The following SYTL2 variants were observed in gnomAD, a reference collection of about 807,000 sequenced individuals.
The protein encoded by SYTL2 is synaptotagmin-like protein 2.
In SYTL2, 165 loss-of-function variants were observed where a neutral mutation model predicts 198.7. That is an observed-to-expected ratio of 0.83 (90% CI 0.73 to 0.94). The LOEUF is 0.94. SYTL2 is among the 40% of genes least tolerant of loss of function. The pLI, the probability that SYTL2 is intolerant of heterozygous loss-of-function variation, is 0.00. For synonymous variants in SYTL2, 966 were observed against 917.7 expected (o/e 1.05, Z -0.95); for missense variants, 2,835 against 2,582.8 (o/e 1.10, Z -2.12).
intron 10 of SYTL2, 73 bp downstream of exon 10, chr11:85,718,717 C>T (rs2153449354): frequency 3.6e-6 from 5 of 1,384,446 alleles, no homozygotes; most frequent in South Asian, 2.4e-5. Context: ...CCAACAGCTG[C>T]GTCCCGGAGA....
At chr11:85,832,490 A>G in the SYTL2 span, among the ~76,000 whole-genome samples, 1 of 152,216 alleles carries the variant, frequency 6.6e-6, no homozygotes, top group African/African-American at 2.4e-5. Context: ...TCCCAAAAAC[A>G]GTAACTTTAC....
At chr11:85,699,053 T>C (rs1471916462) in intron 17 of SYTL2, among the ~76,000 whole-genome samples, 2 of 152,230 alleles carry the variant, frequency 1.3e-5, no homozygotes, top group Non-Finnish European at 2.9e-5. Flanking sequence ...CTCATCTCTA[T>C]GCTATGCTAG....
intron 1 of SYTL2, among the ~76,000 whole-genome samples, chr11:85,758,370 A>G (rs1404884989): frequency 6.6e-6 from 1 of 152,186 alleles, no homozygotes; most frequent in East Asian, 1.9e-4. Flanking sequence ...TGGTTGCAAA[A>G]ATGAACTGGT....
chr11:85,833,124 AAGG>A, the SYTL2 span, among the ~76,000 whole-genome samples: 1 of 114,156 alleles, frequency 8.8e-6, no homozygotes, highest in East Asian at 2.2e-4. Flanking sequence ...GGAAGGAAGG[AAGG>A]AAGGAAGGAA....
At chr11:85,722,248 G>C (rs1358412841) in intron 8 of SYTL2, among the ~76,000 whole-genome samples, 1 of 136,858 alleles carries the variant, frequency 7.3e-6, no homozygotes, top group African/African-American at 2.8e-5. Flanking sequence ...GCGTGATCTC[G>C]ACTCACTGCA....
chr11:85,778,097 G>A (rs1462068305), intron 1 of SYTL2, among the ~76,000 whole-genome samples: 1 of 152,068 alleles, frequency 6.6e-6, no homozygotes, highest in East Asian at 1.9e-4. Flanking sequence ...GGGATTACAG[G>A]CAGGAACCAT....
chr11:85,801,593 C>T (rs2092887821), intron 1 of SYTL2, among the ~76,000 whole-genome samples: 1 of 152,164 alleles, frequency 6.6e-6, no homozygotes, highest in Non-Finnish European at 1.5e-5. Context: ...GCCAATCAAC[C>T]CCAAACCCAT....
At chr11:85,714,362 A>G (rs779114353) in intron 12 of SYTL2, 51 bp downstream of exon 12, 17 of 1,436,798 alleles carry the variant, frequency 1.2e-5, no homozygotes, top group Admixed American at 1.0e-4. Flanking sequence ...TTGGCATAGC[A>G]ATTCCAACCC....
At chr11:85,756,743 C>A (rs2091889781) in intron 2 of SYTL2, among the ~76,000 whole-genome samples, 1 of 152,174 alleles carries the variant, frequency 6.6e-6, no homozygotes, top group Admixed American at 6.5e-5. Context: ...TGAATTCTAG[C>A]ATGTTCTTTT....
intron 1 of SYTL2, among the ~76,000 whole-genome samples, chr11:85,774,592 GAGACC>G (rs142856330): frequency 0.11 from 16,652 of 152,124 alleles, 1,406 homozygotes; most frequent in East Asian, 0.42. Context: ...GATGTGAAAT[GAGACC>G]AGTTAAAAAG....
At chr11:85,776,034 C>T (rs958435992) in intron 1 of SYTL2, among the ~76,000 whole-genome samples, 3 of 152,120 alleles carry the variant, frequency 2.0e-5, no homozygotes, top group Non-Finnish European at 2.9e-5. Context: ...TAATACTCTC[C>T]TTCAGAAGAT....
intron 8 of SYTL2, among the ~76,000 whole-genome samples, chr11:85,722,545 T>C (rs540839156): frequency 6.6e-6 from 1 of 152,256 alleles, no homozygotes; most frequent in African/African-American, 2.4e-5. Flanking sequence ...GGATACACAT[T>C]AGATGATAGT....
chr11:85,699,908 A>G (rs2083997925), intron 17 of SYTL2, among the ~76,000 whole-genome samples: 1 of 152,200 alleles, frequency 6.6e-6, no homozygotes, highest in Non-Finnish European at 1.5e-5. Flanking sequence ...TGGAGGGTGA[A>G]TGAGCTTTAA....
rs772128115 is a variant in SYTL2 at position 85,720,817 on chromosome 11, C to G, written c.5428+41G>C. On this transcript the variant is annotated intron_variant, in intron 9 of 19. Transcript: ENST00000359152. ...AGGAGAGCACATAGGCATTTTTAAGCTTAGATGGGGCATGAACAGTGAGGC... is the reference window on the plus strand; with the variant it reads ...AGGAGAGCACATAGGCATTTTTAAGGTTAGATGGGGCATGAACAGTGAGGC... 19 of 1,434,154 alleles carry G rather than the reference C, an allele frequency of 1.3e-5. No individual in the cohort carries two copies. The East Asian group carries it at 4.1e-4, about 31-fold the overall frequency. The allele number at this position is 1,434,154 out of a possible 1,614,324, so 88.8% of individuals were successfully genotyped here. A position where few individuals can be genotyped will look rare whatever the true frequency, so the allele number is the denominator to read the frequency against.
intron 7 of SYTL2, among the ~76,000 whole-genome samples, chr11:85,730,248 C>A (rs77883593): frequency 6.6e-6 from 1 of 152,154 alleles, no homozygotes; most frequent in Non-Finnish European, 1.5e-5. Context: ...TTTTGTGGGG[C>A]CAACATCAAC....
rs145374887 is a variant in SYTL2, at chr11:85,726,078, T to C, written c.3280A>G (p.Asn1094Asp). 3.0e-5 allele frequency: 49 copies of C among 1,613,498 alleles called. No homozygotes were observed. The African/African-American group carries it at 6.1e-4, about 20-fold the overall frequency. Residue 1094 changes from asparagine (N) to aspartate (D), a missense_variant, in exon 8 of 20, where the codon AAT becomes GAT. Asn to Asp is a conservative substitution (Grantham distance 23). Coordinates refer to ENST00000359152, the MANE Select transcript of SYTL2 (RefSeq NM_206927.4). Reference protein sequence around the residue: ...NESSKENVEKNTEGIVTPVFK... With the variant: ...NESSKENVEKDTEGIVTPVFK... The stretch of plus-strand genomic sequence containing the variant: ...ACTGGAGTAACAATCCCTTCCGTAT[T>C]CTTTTCCACATTTTCCTTTGATGAC...
At position 85,724,570 on chromosome 11, in the gene SYTL2, G is replaced by A; in HGVS notation, c.4788C>T (p.Ser1596=). Residue 1596 remains serine, a synonymous_variant, in exon 8 of 20, where the codon TCC becomes TCT. Transcript: ENST00000359152. The part of the protein sequence containing the change: ...SVREETHEKE[S]SQSEQTRFLG... ...AGAACCTGGTCTGCTCTGACTGTGA[G>A]GACTCCTTCTCGTGAGTTTCTTCTC... 1 of 1,613,528 alleles carries A rather than the reference G, an allele frequency of 6.2e-7. No homozygotes were observed. Among genetic ancestry groups the A allele is most frequent in the Non-Finnish European group, 8.5e-7 (1 of 1,179,850 alleles).
chr11:85,723,373 T>C (rs1565917168), intron 8 of SYTL2, among the ~76,000 whole-genome samples: 1 of 152,086 alleles, frequency 6.6e-6, no homozygotes, highest in Non-Finnish European at 1.5e-5. Flanking sequence ...GTGCATATAA[T>C]TGAAAATGAG....
Position 85,734,149 on chromosome 11 carries a change from G to A in SYTL2, c.1180C>T (p.His394Tyr). The change falls in exon 7 of 20, where the codon CAT becomes TAT. Residue 394 changes from histidine to tyrosine, a missense_variant. By Grantham distance (83) the His-to-Tyr change is moderately conservative (BLOSUM62 2). Around this residue, in one of 3 missense-constraint regions of SYTL2, gnomAD observed 2,645 missense variants for 2,381.7 expected, o/e 1.11. Coordinates refer to ENST00000359152, the MANE Select transcript of SYTL2 (RefSeq NM_206927.4). Reference protein sequence around the residue: ...PSQYRKPSLFHQSTSSPYVSK... With the variant: ...PSQYRKPSLFYQSTSSPYVSK... ...ACATATGGGCTTGAGGTTGATTGAT[G>A]AAAAAGCGAAGGCTTTCTGTATTGA... is the stretch of plus-strand genomic sequence containing the variant. 2 of 1,614,150 alleles carry A rather than the reference G, an allele frequency of 1.2e-6. No homozygotes were observed. The highest frequency in any genetic ancestry group is 1.1e-5 in the South Asian group (1 of 91,088).
Sources: allele counts gnomAD v4.1 joint callset (sites outside exome capture counted in the v4.1 genomes callset), GRCh38; gene constraint gnomAD v4.1.1; regional missense constraint gnomAD v4.1.1; transcripts MANE v1.5; gene names NCBI Gene and HGNC (gene_info 2026-07-23, HGNC 2026-07-21).